CATSPERB: variants seen among roughly 807,000 people sequenced by gnomAD.
The protein encoded by CATSPERB is catsper channel auxiliary subunit beta, also known as cation channel sperm-associated auxiliary subunit beta.
A neutral mutation model predicts 128.3 loss-of-function variants in CATSPERB; 93 were observed. The observed-to-expected ratio is 0.72, with a 90% CI of 0.61 to 0.86. The LOEUF (loss-of-function observed/expected upper bound fraction) is 0.86, where lower values mean the gene tolerates loss of function less well. Among genes scored for constraint, CATSPERB ranks in the 40% least tolerant of loss-of-function variants. The pLI, the probability that CATSPERB is intolerant of heterozygous loss-of-function variation, is 0.00. For missense variants in CATSPERB, 1,153 were observed against 1,329.5 expected (o/e 0.87, Z 2.06); for synonymous variants, 381 against 448.8 (o/e 0.85, Z 1.91).
chr14:91,725,055 A>C (rs775432526), intron 3 of CATSPERB, 25 bp downstream of exon 3: 4 of 1,264,976 alleles, frequency 3.2e-6, no homozygotes, highest in Non-Finnish European at 4.5e-6. Flanking sequence ...GAAGGGTTAT[A>C]ACACATGCTA....
intron 13 of CATSPERB, among the ~76,000 whole-genome samples, chr14:91,672,603 C>G (rs1895118256): frequency 6.6e-6 from 1 of 152,036 alleles, no homozygotes; most frequent in Non-Finnish European, 1.5e-5. Context: ...ATAGAAAAAT[C>G]CCAGCTTATA....
At chr14:91,670,054 A>G in intron 13 of CATSPERB, 82 bp from the exon 14 acceptor site, 1 of 1,209,842 alleles carries the variant, frequency 8.3e-7, no homozygotes, top group Non-Finnish European at 1.2e-6. Context: ...CATTTTGATT[A>G]AGAGAGAGAT....
chr14:91,671,946 G>A (rs1895099110), intron 13 of CATSPERB, among the ~76,000 whole-genome samples: 1 of 151,736 alleles, frequency 6.6e-6, no homozygotes, highest in Non-Finnish European at 1.5e-5. Flanking sequence ...CGTGAACCCG[G>A]GAGGCGGAGC....
chr14:91,639,388 G>C (rs906232504), intron 15 of CATSPERB, 138 bp from the exon 16 acceptor site: 1 of 682,092 alleles, frequency 1.5e-6, no homozygotes, highest in Admixed American at 3.0e-5. Context: ...TTAGGAAAAT[G>C]CATGTTAGTT....
chr14:91,710,849 A>G (rs1341402820), intron 5 of CATSPERB, among the ~76,000 whole-genome samples: 1 of 152,026 alleles, frequency 6.6e-6, no homozygotes, highest in African/African-American at 2.4e-5. Context: ...TTTTTTTACC[A>G]TATCTTGCTG....
intron 22 of CATSPERB, chr14:91,603,266 A>T: frequency 8.6e-7 from 1 of 1,159,838 alleles, no homozygotes; most frequent in African/African-American, 1.5e-5. Context: ...AAGCCAGCAT[A>T]TATTATTCAC....
chr14:91,706,290 A>G (rs1344587032), intron 6 of CATSPERB, among the ~76,000 whole-genome samples: 1 of 152,230 alleles, frequency 6.6e-6, no homozygotes, highest in Non-Finnish European at 1.5e-5. Context: ...TCCAGAATTC[A>G]AAGAAATGTG....
At chr14:91,644,372 C>T (rs796147976) in intron 15 of CATSPERB, among the ~76,000 whole-genome samples, 40,223 of 143,906 alleles carry the variant, frequency 0.28, 5,735 homozygotes, top group Middle Eastern at 0.32. Context: ...CCATGTTTAG[C>T]GCTTCCTTCA....
At chr14:91,604,556 T>G in intron 22 of CATSPERB, 2 of 1,608,724 alleles carry the variant, frequency 1.2e-6, no homozygotes, top group Non-Finnish European at 1.7e-6. Flanking sequence ...AGAATTTGGC[T>G]GGAACTGCAT....
chr14:91,657,756 C>A (rs1006132680), intron 15 of CATSPERB, among the ~76,000 whole-genome samples: 5 of 152,028 alleles, frequency 3.3e-5, no homozygotes, highest in African/African-American at 1.2e-4. Context: ...GGCAGACAGG[C>A]GTATGAAAAG....
chr14:91,691,415 T>C (rs779834139), intron 10 of CATSPERB, 108 bp downstream of exon 10: 3 of 600,830 alleles, frequency 5.0e-6, no homozygotes, highest in Middle Eastern at 6.2e-4. Context: ...ATAAATAATA[T>C]AGTAACTGGA....
chr14:91,603,438 A>G (rs1893642350), intron 22 of CATSPERB: 1 of 1,566,506 alleles, frequency 6.4e-7, no homozygotes, highest in Non-Finnish European at 8.8e-7. Context: ...AGCCATCAGA[A>G]CTAGTTATAC....
At chr14:91,644,397 G>A (rs1327941034) in intron 15 of CATSPERB, among the ~76,000 whole-genome samples, 4 of 149,582 alleles carry the variant, frequency 2.7e-5, no homozygotes, top group Non-Finnish European at 5.9e-5. Context: ...CTCTTGTAGG[G>A]CAGGCCTGGT....
At position 91,701,493 on chromosome 14, in the gene CATSPERB, G is replaced by C. The variant is rs539376281; in HGVS notation, c.616+3059C>G. On this transcript the variant is annotated intron_variant, in intron 7 of 26. Transcript: ENST00000256343. ...GCCACAAATTCTAATGAAAGGATTT[G>C]GGTGGATAGAGCGGGATAAAAGTTT... Among the ~76,000 whole-genome samples the C allele has an allele frequency of 9.5e-4, 145 of 152,258 alleles. 4 individuals carry two copies. In the South Asian group the frequency reaches 0.029, roughly 31 times the overall value.
At chr14:91,595,746 T>C (rs899319046) in intron 22 of CATSPERB, among the ~76,000 whole-genome samples, 11 of 152,202 alleles carry the variant, frequency 7.2e-5, no homozygotes, top group African/African-American at 2.7e-4. Flanking sequence ...CTTGGTAAAA[T>C]AACCAATTCC....
At chr14:91,595,562 A>G (rs1180488315) in intron 22 of CATSPERB, among the ~76,000 whole-genome samples, 2 of 152,166 alleles carry the variant, frequency 1.3e-5, no homozygotes, top group African/African-American at 4.8e-5. Flanking sequence ...AGGATCCAAG[A>G]TAAACCTGGG....
intron 17 of CATSPERB, among the ~76,000 whole-genome samples, chr14:91,631,075 T>A (rs1312716588): frequency 2.0e-5 from 3 of 152,230 alleles, no homozygotes; most frequent in African/African-American, 7.2e-5. Flanking sequence ...TCTTACTCCC[T>A]CTGTCACCAT....
intron 24 of CATSPERB, 62 bp from the exon 25 acceptor site, chr14:91,588,140 G>A: frequency 1.9e-6 from 2 of 1,045,372 alleles, no homozygotes; most frequent in Non-Finnish European, 2.8e-6. Flanking sequence ...TTAGGTTGGT[G>A]CAAAAGTAAT....
At position 91,628,496 on chromosome 14, in the gene CATSPERB, C is replaced by T. The variant is rs1262756443; in HGVS notation, c.1743-3489G>A. Among the ~76,000 whole-genome samples, 9 of 152,250 alleles carry T rather than the reference C, an allele frequency of 5.9e-5. 1 individual carries two copies. In the South Asian group the frequency reaches 6.2e-4, roughly 11 times the overall value. On this transcript the variant is annotated intron_variant, in intron 17 of 26. Coordinates refer to ENST00000256343, the MANE Select transcript of CATSPERB (RefSeq NM_024764.4). ...ATCTCATCTTGAATTGTAATCCCCA[C>T]GTGTCAAGGGAGGGACCTGGTGGGA...
Sources: allele counts gnomAD v4.1 joint callset (sites outside exome capture counted in the v4.1 genomes callset), GRCh38; gene constraint gnomAD v4.1.1; transcripts MANE v1.5; gene names NCBI Gene and HGNC (gene_info 2026-07-23, HGNC 2026-07-21).